The following SPOCK1 variants were observed in gnomAD, a reference collection of about 807,000 sequenced individuals.
The protein encoded by SPOCK1 is SPARC (osteonectin), cwcv and kazal like domains proteoglycan 1.
SPOCK1 carries 23 observed loss-of-function variants against 55.3 expected under a neutral mutation model. The observed-to-expected ratio is 0.42, with a 90% CI of 0.30 to 0.59. The LOEUF is 0.59. Ranked by LOEUF, SPOCK1 falls within the 20% of genes least tolerant of loss-of-function variation. The pLI, the probability that SPOCK1 is intolerant of heterozygous loss-of-function variation, is 0.22. For synonymous variants in SPOCK1, 226 were observed against 221.0 expected (o/e 1.02, Z -0.20); for missense variants, 499 against 552.5 (o/e 0.90, Z 0.97).
intron 6 of SPOCK1, among the ~76,000 whole-genome samples, chr5:137,066,987 C>CACACACAGAGAGAGAGAGAGAGAGAG (rs1343691789): frequency 4.0e-4 from 56 of 139,644 alleles, no homozygotes; most frequent in Non-Finnish European, 6.2e-4. Context: ...CACACACACA[C>CACACACAGAGAGAGAGAGAGAGAGAG]AGAGAGAGAG....
chr5:137,341,443 C>T (rs781483071), intron 2 of SPOCK1, among the ~76,000 whole-genome samples: 3 of 152,158 alleles, frequency 2.0e-5, no homozygotes, highest in African/African-American at 4.8e-5. Flanking sequence ...TTAGGCCTCA[C>T]GGATGCAGTC....
chr5:137,382,113 C>T (rs1751484009), intron 2 of SPOCK1, among the ~76,000 whole-genome samples: 1 of 152,222 alleles, frequency 6.6e-6, no homozygotes, highest in Non-Finnish European at 1.5e-5. Context: ...TTGAGTTCCA[C>T]AGATCTCTAG....
At chr5:137,186,996 T>C (rs1304556936) in intron 3 of SPOCK1, among the ~76,000 whole-genome samples, 1 of 152,224 alleles carries the variant, frequency 6.6e-6, no homozygotes, top group African/African-American at 2.4e-5. Flanking sequence ...GTTTCTGTGA[T>C]ATTGTGACAT....
chr5:137,051,783 C>G (rs374568906), intron 6 of SPOCK1, among the ~76,000 whole-genome samples: 1 of 152,138 alleles, frequency 6.6e-6, no homozygotes, highest in African/African-American at 2.4e-5. Flanking sequence ...ATAGCATACA[C>G]GCACACATAC....
intron 6 of SPOCK1, among the ~76,000 whole-genome samples, chr5:137,003,169 G>GC (rs1291767352): frequency 3.3e-5 from 5 of 152,316 alleles, no homozygotes; most frequent in Non-Finnish European, 2.9e-5. Context: ...ACTTTAGAAG[G>GC]CCCAGGAGGG....
intron 3 of SPOCK1, among the ~76,000 whole-genome samples, chr5:137,157,958 A>G (rs1754450895): frequency 6.6e-6 from 1 of 152,170 alleles, no homozygotes; most frequent in Non-Finnish European, 1.5e-5. Context: ...CTTACTTGGG[A>G]GGCTGAGGCC....
chr5:137,064,351 C>T (rs531043633), intron 6 of SPOCK1, among the ~76,000 whole-genome samples: 15 of 152,212 alleles, frequency 9.9e-5, no homozygotes, highest in Admixed American at 7.9e-4. Context: ...TAAAATATCA[C>T]CACAACAGTT....
rs1200186239 is a variant in SPOCK1, at chr5:136,976,187, G to T, written c.*2467C>A. ...TTAAAGATCTTTAAAAAAATCGAAT[G>T]CTGTCATGTCAAAGTGAGGCATGAA... On this transcript the variant is annotated 3_prime_UTR_variant, in exon 11 of 11. Coordinates refer to ENST00000394945, the MANE Select transcript of SPOCK1 (RefSeq NM_004598.4). The T allele has an allele frequency of 6.6e-6, 1 of 152,174 alleles. No individual in the cohort carries two copies. The highest frequency in any genetic ancestry group is 2.4e-5 in the African/African-American group (1 of 41,444). The allele number at this position is 152,174 out of a possible 1,614,324, so 9.4% of individuals were successfully genotyped here.
At chr5:137,331,401 C>T (rs185553536) in intron 2 of SPOCK1, among the ~76,000 whole-genome samples, 1 of 152,330 alleles carries the variant, frequency 6.6e-6, no homozygotes, top group East Asian at 1.9e-4. Flanking sequence ...CAATCAGACC[C>T]TCACTAGGGC....
chr5:137,252,540 C>T (rs892073540), intron 3 of SPOCK1, among the ~76,000 whole-genome samples: 12 of 152,202 alleles, frequency 7.9e-5, no homozygotes, highest in African/African-American at 2.9e-4. Flanking sequence ...CCCTGTCATA[C>T]TTCAGCCTGA....
intron 3 of SPOCK1, among the ~76,000 whole-genome samples, chr5:137,189,304 C>T (rs1263122397): frequency 6.6e-6 from 1 of 152,212 alleles, no homozygotes; most frequent in Non-Finnish European, 1.5e-5. Flanking sequence ...GAAGTCAATG[C>T]CTGGCTTCCA....
chr5:137,399,152 T>C (rs925630654), intron 2 of SPOCK1, among the ~76,000 whole-genome samples: 5 of 152,216 alleles, frequency 3.3e-5, no homozygotes, highest in Non-Finnish European at 7.3e-5. Flanking sequence ...GTAGCCTATG[T>C]AGCGTGCCAA....
chr5:137,187,293 T>C (rs1240764437), intron 3 of SPOCK1, among the ~76,000 whole-genome samples: 1 of 152,198 alleles, frequency 6.6e-6, no homozygotes, highest in Non-Finnish European at 1.5e-5. Context: ...GGTGATTCAC[T>C]GGAAACAGAG....
chr5:137,379,976 TAGTG>T (rs918420583), intron 2 of SPOCK1, among the ~76,000 whole-genome samples: 2 of 152,198 alleles, frequency 1.3e-5, no homozygotes, highest in Non-Finnish European at 2.9e-5. Context: ...CTTTAACACT[TAGTG>T]AGTAAGAATT....
intron 7 of SPOCK1, among the ~76,000 whole-genome samples, chr5:136,989,046 A>G (rs1580695756): frequency 6.6e-6 from 1 of 152,234 alleles, no homozygotes; most frequent in African/African-American, 2.4e-5. Context: ...CCAAAATAAA[A>G]TATTTTTAAA....
In SPOCK1 at chr5:136,978,007, T is replaced by C. The variant is rs1750649784; in HGVS notation, c.*647A>G. 1 of 398,470 alleles carries C rather than the reference T, an allele frequency of 2.5e-6. No individual in the cohort carries two copies. The highest frequency in any genetic ancestry group is 4.4e-6 in the Non-Finnish European group (1 of 226,024). The allele number at this position is 398,470 out of a possible 1,614,324, so 24.7% of individuals were successfully genotyped here. ...CAGTCTTTCTGTACATGCATGCATA[T>C]TTATGCATGTACAGGGAAGTATCCA... On this transcript the variant is annotated 3_prime_UTR_variant, in exon 11 of 11. Coordinates refer to ENST00000394945, the MANE Select transcript of SPOCK1 (RefSeq NM_004598.4).
chr5:137,302,370 C>T (rs958229418), intron 2 of SPOCK1, among the ~76,000 whole-genome samples: 1 of 150,584 alleles, frequency 6.6e-6, no homozygotes, highest in Non-Finnish European at 1.5e-5. Flanking sequence ...GAGATTGAGA[C>T]CATCCTGGCC....
chr5:137,123,158 T>C (rs1438622135), intron 4 of SPOCK1, among the ~76,000 whole-genome samples: 2 of 152,196 alleles, frequency 1.3e-5, no homozygotes. Flanking sequence ...CACCATTACT[T>C]ATCCCCTGCT....
intron 3 of SPOCK1, among the ~76,000 whole-genome samples, chr5:137,160,557 T>TTA (rs1491363965): frequency 1.7e-5 from 1 of 58,304 alleles, no homozygotes; most frequent in African/African-American, 8.0e-5. Context: ...ATAATATATA[T>TTA]TATATATTAT....
Sources: allele counts gnomAD v4.1 joint callset (sites outside exome capture counted in the v4.1 genomes callset), GRCh38; gene constraint gnomAD v4.1.1; transcripts MANE v1.5; gene names NCBI Gene and HGNC (gene_info 2026-07-23, HGNC 2026-07-21).